The following ERC2 variants were observed in gnomAD, a reference collection of about 807,000 sequenced individuals.
The protein encoded by ERC2 is ELKS/RAB6-interacting/CAST family member 2.
Under a neutral mutation model 114.8 loss-of-function variants are expected in ERC2, and 42 were observed. That is an observed-to-expected ratio of 0.37 (90% CI 0.29 to 0.47). The LOEUF (loss-of-function observed/expected upper bound fraction) is 0.47. Ranked by LOEUF, ERC2 falls within the 20% of genes least tolerant of loss-of-function variation. The pLI is 0.99. For missense variants in ERC2, 939 were observed against 1,150.7 expected, an observed-to-expected ratio of 0.82 and a Z score of 2.66; for synonymous variants, 454 against 425.5, an observed-to-expected ratio of 1.07 and a Z score of -0.82.
chr3:55,671,324 A>T (rs866175212), intron 17 of ERC2, among the ~76,000 whole-genome samples: 10 of 152,228 alleles, frequency 6.6e-5, no homozygotes, highest in South Asian at 2.1e-4. Flanking sequence ...TCAATAAAAA[A>T]ATCTATGAAC....
At chr3:55,725,577 A>G (rs1378428752) in intron 15 of ERC2, among the ~76,000 whole-genome samples, 1 of 152,176 alleles carries the variant, frequency 6.6e-6, no homozygotes, top group African/African-American at 2.4e-5. Flanking sequence ...CTGCTAGTAG[A>G]GATGATAAAA....
chr3:56,223,258 T>C (rs904496911), intron 3 of ERC2, among the ~76,000 whole-genome samples: 2 of 152,238 alleles, frequency 1.3e-5, no homozygotes, highest in Admixed American at 6.5e-5. Context: ...TCAGTATGAA[T>C]GATCCCACTG....
intron 17 of ERC2, among the ~76,000 whole-genome samples, chr3:55,572,664 A>G (rs1276585335): frequency 6.6e-6 from 1 of 152,082 alleles, no homozygotes; most frequent in Non-Finnish European, 1.5e-5. Context: ...GGGCTGGGGG[A>G]CTTGCCTAAG....
intron 14 of ERC2, among the ~76,000 whole-genome samples, chr3:55,753,600 T>C (rs890225606): frequency 6.6e-5 from 10 of 152,206 alleles, no homozygotes; most frequent in African/African-American, 2.4e-4. Context: ...TTCTATTGAC[T>C]AAGCCAAACT....
intron 14 of ERC2, among the ~76,000 whole-genome samples, chr3:55,871,236 C>A (rs59406902): frequency 1.7e-3 from 256 of 152,248 alleles, no homozygotes; most frequent in African/African-American, 5.9e-3. Context: ...AGTGGGAGGT[C>A]CTCAGTTATT....
intron 2 of ERC2, among the ~76,000 whole-genome samples, chr3:56,345,336 C>A (rs1222872283): frequency 1.3e-5 from 2 of 152,214 alleles, no homozygotes; most frequent in African/African-American, 4.8e-5. Flanking sequence ...AAAAGACAGG[C>A]ATAGCCCTAC....
chr3:55,697,007 G>A (rs996119886), intron 16 of ERC2, among the ~76,000 whole-genome samples: 1 of 152,176 alleles, frequency 6.6e-6, no homozygotes, highest in Non-Finnish European at 1.5e-5. Flanking sequence ...AGTTTCTAAG[G>A]TATGGGCCCC....
At chr3:56,274,441 G>A (rs987231712) in intron 3 of ERC2, among the ~76,000 whole-genome samples, 4 of 152,024 alleles carry the variant, frequency 2.6e-5, no homozygotes, top group African/African-American at 9.7e-5. Flanking sequence ...TGAAGAACCT[G>A]AATACACAAA....
chr3:55,969,263 A>T (rs1276978940), intron 12 of ERC2, among the ~76,000 whole-genome samples: 1 of 152,144 alleles, frequency 6.6e-6, no homozygotes, highest in Non-Finnish European at 1.5e-5. Context: ...CAAAAATTTG[A>T]GAAAGGTCCC....
intron 2 of ERC2, among the ~76,000 whole-genome samples, chr3:56,405,358 C>G (rs1031000665): frequency 3.3e-5 from 5 of 151,658 alleles, no homozygotes; most frequent in African/African-American, 1.2e-4. Context: ...GCCTGGGAGG[C>G]AGAGGTTGCG....
At position 56,019,858 on chromosome 3, in the gene ERC2, A is replaced by G. The variant is rs1054742797; in HGVS notation, c.1642-827T>C. ...TAAGGATTTAAAAAAGCCCCACTAT[A>G]CAAACAATTTATTCGTATTAAGGGT... On this transcript the variant is annotated intron_variant, in intron 7 of 17. Coordinates refer to ENST00000288221, the MANE Select transcript of ERC2 (RefSeq NM_015576.3). 2.0e-5 allele frequency among the ~76,000 whole-genome samples: 3 copies of G among 152,182 alleles called. No homozygotes were observed. The East Asian group carries it at 5.8e-4, about 29-fold the overall frequency.
intron 1 of ERC2, among the ~76,000 whole-genome samples, chr3:56,443,087 C>A (rs2062392669): frequency 6.6e-6 from 1 of 152,096 alleles, no homozygotes; most frequent in Non-Finnish European, 1.5e-5. Context: ...CCCTACTAGG[C>A]CAGGAAATAA....
At chr3:56,383,393 C>T (rs1297462388) in intron 2 of ERC2, among the ~76,000 whole-genome samples, 3 of 152,174 alleles carry the variant, frequency 2.0e-5, no homozygotes, top group African/African-American at 7.2e-5. Flanking sequence ...CTACTAATCA[C>T]CATCTCACAT....
At chr3:55,871,868 A>G (rs971970371) in intron 14 of ERC2, among the ~76,000 whole-genome samples, 1 of 152,142 alleles carries the variant, frequency 6.6e-6, no homozygotes, top group Non-Finnish European at 1.5e-5. Context: ...GAGGGTTTCA[A>G]CTCTAGGGGG....
At chr3:55,976,594 G>C (rs984115331) in intron 12 of ERC2, among the ~76,000 whole-genome samples, 1 of 152,200 alleles carries the variant, frequency 6.6e-6, no homozygotes, top group Non-Finnish European at 1.5e-5. Context: ...ACTCTAGACT[G>C]AAAGACAGAT....
chr3:55,976,674 T>G (rs11713228), intron 12 of ERC2, among the ~76,000 whole-genome samples: 1 of 151,996 alleles, frequency 6.6e-6, no homozygotes, highest in Non-Finnish European at 1.5e-5. Context: ...CAAACCTAAC[T>G]TGGGCCTGTC....
chr3:55,996,428 A>T (rs1473695500), intron 10 of ERC2, among the ~76,000 whole-genome samples: 1 of 152,220 alleles, frequency 6.6e-6, no homozygotes, highest in Non-Finnish European at 1.5e-5. Flanking sequence ...TAGAGATTTA[A>T]TTCCACTGAT....
chr3:56,043,026 G>A (rs2075277318), intron 7 of ERC2, among the ~76,000 whole-genome samples: 1 of 152,218 alleles, frequency 6.6e-6, no homozygotes, highest in East Asian at 1.9e-4. Flanking sequence ...ATTACTGTAG[G>A]CAAGATCTTC....
intron 1 of ERC2, among the ~76,000 whole-genome samples, chr3:56,443,424 G>A (rs2062411082): frequency 6.6e-6 from 1 of 152,160 alleles, no homozygotes; most frequent in African/African-American, 2.4e-5. Flanking sequence ...AGCAGGGGTG[G>A]TTTCCTGGGA....
Sources: allele counts gnomAD v4.1 joint callset (sites outside exome capture counted in the v4.1 genomes callset), GRCh38; gene constraint gnomAD v4.1.1; transcripts MANE v1.5; gene names NCBI Gene and HGNC (gene_info 2026-07-23, HGNC 2026-07-21).